Variants in PIGN observed in about 807,000 individuals in gnomAD.
The protein encoded by PIGN is GPI ethanolamine phosphate transferase 1.
PIGN carries 117 observed loss-of-function variants against 125.4 expected under a neutral mutation model. The ratio of observed to expected loss-of-function variants is 0.93; its 90% CI spans 0.80 to 1.09. The LOEUF is 1.09. Among genes scored for constraint, PIGN ranks in the 50% least tolerant of loss-of-function variants. The pLI, the probability that PIGN is intolerant of heterozygous loss-of-function variation, is 0.00. For synonymous variants in PIGN, 392 were observed against 377.8 expected, an observed-to-expected ratio of 1.04 and a Z score of -0.44; for missense variants, 1,075 against 1,094.9, an observed-to-expected ratio of 0.98 and a Z score of 0.26.
At chr18:62,072,841 C>T (rs1214455658) in intron 29 of PIGN, 116 bp from the exon 30 acceptor site, 2 of 656,888 alleles carry the variant, frequency 3.0e-6, no homozygotes, top group Non-Finnish European at 5.0e-6. Context: ...CACTATCTGA[C>T]TGTAATCAAC....
At chr18:62,084,349 T>C (rs1055643853) in intron 27 of PIGN, among the ~76,000 whole-genome samples, 182 bp downstream of exon 27, 1 of 152,178 alleles carries the variant, frequency 6.6e-6, no homozygotes, top group Non-Finnish European at 1.5e-5. Context: ...CAAATGCACT[T>C]ATGAGTAAAG....
At chr18:62,049,084 T>G (rs925003402) in intron 30 of PIGN, among the ~76,000 whole-genome samples, 51 of 151,964 alleles carry the variant, frequency 3.4e-4, no homozygotes, top group Admixed American at 1.2e-3. Context: ...TGCCACATTT[T>G]CTTAATCCAG....
chr18:62,022,429 T>G (rs2030063808), intron 23 of PIGN, among the ~76,000 whole-genome samples: 1 of 152,230 alleles, frequency 6.6e-6, no homozygotes, highest in Admixed American at 6.5e-5. Context: ...AAGCCACACC[T>G]ATAATTAAAG....
chr18:62,024,652 A>G (rs934139807), intron 23 of PIGN, among the ~76,000 whole-genome samples: 2 of 152,110 alleles, frequency 1.3e-5, no homozygotes, highest in South Asian at 4.2e-4. Context: ...TGCATCCCTT[A>G]GAAGAACTCA....
intron 22 of PIGN, among the ~76,000 whole-genome samples, chr18:62,098,882 T>C (rs1413585964): frequency 6.6e-6 from 1 of 151,932 alleles, no homozygotes; most frequent in Non-Finnish European, 1.5e-5. Context: ...TCCAAAACAA[T>C]AATCAAATCA....
intron 23 of PIGN, among the ~76,000 whole-genome samples, chr18:62,034,150 T>C (rs1350079972): frequency 1.3e-5 from 2 of 152,206 alleles, no homozygotes; most frequent in East Asian, 1.9e-4. Flanking sequence ...GGCTCTAGCT[T>C]TGAGGACCAA....
At chr18:62,096,935 T>C (rs1239135383) in intron 22 of PIGN, among the ~76,000 whole-genome samples, 3 of 150,498 alleles carry the variant, frequency 2.0e-5, no homozygotes, top group African/African-American at 7.3e-5. Context: ...CTATCATTGT[T>C]GGACATTTGG....
chr18:62,018,353 T>C lies in PIGN; in HGVS notation c.2143-612A>G, dbSNP rs1000304897. Among the ~76,000 whole-genome samples the C allele has an allele frequency of 9.2e-5, 14 of 152,242 alleles. 3 individuals carry two copies. Among genetic ancestry groups the C allele is most frequent in the Admixed American group, 8.5e-4 (13 of 15,288 alleles). On this transcript the variant is annotated intron_variant, in intron 23 of 24. Transcript: ENST00000639600. The stretch of plus-strand genomic sequence containing the variant: ...GAGGCGAGGGCTCATGCACATTCAG[T>C]GGAACGATTCCGTTTGATCCGTACA...
At chr18:62,073,269 G>T (rs960096084) in intron 29 of PIGN, among the ~76,000 whole-genome samples, 1 of 151,746 alleles carries the variant, frequency 6.6e-6, no homozygotes, top group African/African-American at 2.4e-5. Flanking sequence ...AGAGGAAGGG[G>T]TTCATACCCT....
intron 30 of PIGN, among the ~76,000 whole-genome samples, chr18:62,055,801 T>G (rs926165216): frequency 6.6e-6 from 1 of 151,874 alleles, no homozygotes; most frequent in African/African-American, 2.4e-5. Flanking sequence ...CTAAAGGGCA[T>G]AGGTTGCTGG....
chr18:62,032,667 T>C (rs533328913), intron 23 of PIGN, among the ~76,000 whole-genome samples: 3 of 152,230 alleles, frequency 2.0e-5, no homozygotes, highest in Non-Finnish European at 4.4e-5. Context: ...AAATTTTTTT[T>C]AAAAGTCTCA....
chr18:62,161,189 T>TCTTTA lies in PIGN; in HGVS notation c.164_165insTAAAG (p.Ala56LysfsTer9). 3.7e-6 allele frequency: 6 copies of TCTTTA among 1,613,964 alleles called. No homozygotes were observed. The highest frequency in any genetic ancestry group is 5.1e-6 in the Non-Finnish European group (6 of 1,179,862). On this transcript the variant is annotated frameshift_variant, in exon 4 of 31. Coordinates refer to ENST00000640252, the MANE Select transcript of PIGN (RefSeq NM_176787.5). LOFTEE classifies it high-confidence loss of function. ...CATCTAATTCGTAAAGTGCATCTGC[T>TCTTTA]CGAAGGCCATCAGCAACAAACAACA...
chr18:62,100,814 C>G (rs900066042), intron 22 of PIGN, among the ~76,000 whole-genome samples: 8 of 152,214 alleles, frequency 5.3e-5, no homozygotes, highest in African/African-American at 1.7e-4. Context: ...ATCACTTAGT[C>G]AAATCTTATG....
chr18:62,027,855 C>T (rs1298700207), intron 23 of PIGN, among the ~76,000 whole-genome samples: 2 of 151,688 alleles, frequency 1.3e-5, no homozygotes, highest in Admixed American at 6.6e-5. Context: ...AGCAGTGAGC[C>T]GTGATCACGC....
At chr18:62,026,431 C>T (rs1039479156) in intron 23 of PIGN, among the ~76,000 whole-genome samples, 2 of 152,232 alleles carry the variant, frequency 1.3e-5, no homozygotes, top group Non-Finnish European at 1.5e-5. Flanking sequence ...ATTTCAAGAA[C>T]AGGTGAAAAT....
intron 1 of PIGN, among the ~76,000 whole-genome samples, chr18:62,170,291 T>A (rs2037304684): frequency 6.6e-6 from 1 of 152,216 alleles, no homozygotes; most frequent in African/African-American, 2.4e-5. Context: ...CGCAGATTTA[T>A]TTTTGCAAGG....
At chr18:62,029,912 T>C (rs2144885659) in intron 23 of PIGN, among the ~76,000 whole-genome samples, 1 of 152,268 alleles carries the variant, frequency 6.6e-6, no homozygotes, top group South Asian at 2.1e-4. Context: ...CCAGATAAAC[T>C]AAGAGGTCCC....
At chr18:62,072,362 T>C (rs530683916) in intron 30 of PIGN, 19 of 188,946 alleles carry the variant, frequency 1.0e-4, no homozygotes, top group African/African-American at 4.4e-4. Context: ...TCATGGTAAG[T>C]GTCCTAGATA....
chr18:62,139,994 A>T (rs1395800698), intron 12 of PIGN, among the ~76,000 whole-genome samples: 2 of 152,208 alleles, frequency 1.3e-5, no homozygotes, highest in African/African-American at 4.8e-5. Flanking sequence ...TGTAATAAAA[A>T]AATTACTTAT....
Sources: gnomAD v4.1 joint callset for allele counts (sites outside exome capture counted in the v4.1 genomes callset) on GRCh38, gnomAD v4.1.1 for gene constraint, MANE v1.5 for transcripts, NCBI Gene and HGNC (gene_info 2026-07-23, HGNC 2026-07-21) for gene names.